EPHB1: variants seen among roughly 807,000 people sequenced by gnomAD.
EPHB1 encodes EPH receptor B1.
Under a neutral mutation model 94.4 loss-of-function variants are expected in EPHB1, and 30 were observed. That is an observed-to-expected ratio of 0.32 (90% CI 0.24 to 0.43). EPHB1 has a LOEUF of 0.43. Ranked by LOEUF, EPHB1 falls within the 20% of genes least tolerant of loss-of-function variation. The probability of loss-of-function intolerance (pLI) is 1.00; values close to 1 mark genes in which losing one functional copy is unlikely to be tolerated. For synonymous variants in EPHB1, 522 were observed against 489.1 expected (o/e 1.07, Z -0.89); for missense variants, 1,055 against 1,308.3 (o/e 0.81, Z 2.99).
chr3:135,210,608 C>T (rs1451665703), intron 12 of EPHB1, among the ~76,000 whole-genome samples: 4 of 152,168 alleles, frequency 2.6e-5, no homozygotes, highest in African/African-American at 9.7e-5. Flanking sequence ...TAAGAATTTG[C>T]CATAAACCCA....
intron 15 of EPHB1, among the ~76,000 whole-genome samples, chr3:135,256,553 C>G (rs1177120011): frequency 6.6e-6 from 1 of 152,218 alleles, no homozygotes; most frequent in Non-Finnish European, 1.5e-5. Context: ...GGCCCCCACT[C>G]TCTTCTGACT....
chr3:135,000,602 T>C (rs1467812608), intron 3 of EPHB1, among the ~76,000 whole-genome samples: 1 of 152,220 alleles, frequency 6.6e-6, no homozygotes, highest in Non-Finnish European at 1.5e-5. Context: ...CAATTCCTAG[T>C]ACTACTCTCC....
rs960396588 is a variant in EPHB1, at chr3:135,259,837, C to T, written c.*717C>T. 13 of 223,610 alleles carry T rather than the reference C, an allele frequency of 5.8e-5. No individual in the cohort carries two copies. Among genetic ancestry groups the T allele is most frequent in the African/African-American group, 2.7e-4 (12 of 44,908 alleles). The allele number at this position is 223,610 out of a possible 1,614,324, so 13.9% of individuals were successfully genotyped here. On this transcript the variant is annotated 3_prime_UTR_variant, in exon 16 of 16. Transcript: ENST00000398015. Reference sequence around the variant, plus strand: ...AAAAAAAAAGAAGAAAAACCTGTTTCCGTGTGCAAAAGCACACATATGTAT... The same window carrying T: ...AAAAAAAAAGAAGAAAAACCTGTTTTCGTGTGCAAAAGCACACATATGTAT...
intron 2 of EPHB1, among the ~76,000 whole-genome samples, chr3:134,943,024 G>A (rs1466413474): frequency 2.6e-5 from 4 of 152,224 alleles, no homozygotes; most frequent in African/African-American, 9.7e-5. Flanking sequence ...CTAAGCCAGG[G>A]AAAGGATTAT....
At chr3:135,103,563 G>A (rs1268398932) in intron 3 of EPHB1, among the ~76,000 whole-genome samples, 4 of 152,198 alleles carry the variant, frequency 2.6e-5, no homozygotes, top group South Asian at 2.1e-4. Flanking sequence ...CTAATAATCT[G>A]TGGGAGTTAT....
chr3:135,053,436 C>A (rs1937253712), intron 3 of EPHB1, among the ~76,000 whole-genome samples: 1 of 151,954 alleles, frequency 6.6e-6, no homozygotes. Flanking sequence ...CTTTTGGGAA[C>A]TGGTTTAAGG....
At chr3:134,933,595 G>C (rs2049821195) in intron 2 of EPHB1, among the ~76,000 whole-genome samples, 1 of 152,122 alleles carries the variant, frequency 6.6e-6, no homozygotes, top group South Asian at 2.1e-4. Context: ...GTGCCTTATA[G>C]CCAGGCACAC....
chr3:135,062,980 A>G (rs550460004), intron 3 of EPHB1, among the ~76,000 whole-genome samples: 3 of 152,224 alleles, frequency 2.0e-5, no homozygotes, highest in Non-Finnish European at 4.4e-5. Flanking sequence ...TGCTTTGTTG[A>G]AGATCAGTTG....
intron 1 of EPHB1, among the ~76,000 whole-genome samples, chr3:134,877,739 A>G (rs952605399): frequency 5.9e-5 from 9 of 152,218 alleles, no homozygotes; most frequent in Admixed American, 4.6e-4. Context: ...TTTCTGCTAT[A>G]GAAAGCTGGG....
At chr3:134,911,618 T>A (rs2038456828) in intron 1 of EPHB1, among the ~76,000 whole-genome samples, 1 of 151,988 alleles carries the variant, frequency 6.6e-6, no homozygotes, top group Non-Finnish European at 1.5e-5. Flanking sequence ...ATGAAGACTG[T>A]ATGTGAGGGG....
At chr3:134,906,649 T>C (rs2038337161) in intron 1 of EPHB1, among the ~76,000 whole-genome samples, 2 of 152,218 alleles carry the variant, frequency 1.3e-5, no homozygotes, top group African/African-American at 4.8e-5. Context: ...AATTGAGTAG[T>C]TGCAACAGAG....
chr3:135,112,073 A>G (rs79846483), intron 4 of EPHB1, among the ~76,000 whole-genome samples: 2,130 of 152,354 alleles, frequency 0.014, 58 homozygotes, highest in African/African-American at 0.049. Flanking sequence ...AAGCGAATGG[A>G]AACCAGGAAG....
intron 3 of EPHB1, among the ~76,000 whole-genome samples, chr3:135,036,002 ATC>A (rs1936633082): frequency 6.6e-6 from 1 of 152,162 alleles, no homozygotes; most frequent in South Asian, 2.1e-4. Context: ...TCATTTATCT[ATC>A]TCTCCATTCA....
intron 4 of EPHB1, among the ~76,000 whole-genome samples, chr3:135,127,157 C>T: frequency 6.6e-6 from 1 of 152,216 alleles, no homozygotes; most frequent in Non-Finnish European, 1.5e-5. Flanking sequence ...TATGTTTTAA[C>T]TTGGTTACTG....
intron 1 of EPHB1, among the ~76,000 whole-genome samples, chr3:134,797,257 G>C (rs565797274): frequency 2.6e-5 from 4 of 152,220 alleles, no homozygotes; most frequent in Non-Finnish European, 5.9e-5. Flanking sequence ...CTGGAGCCGT[G>C]TGGAGTGCCG....
In EPHB1 at chr3:135,259,209, G is replaced by T; in HGVS notation, c.*89G>T. On this transcript the variant is annotated 3_prime_UTR_variant, in exon 16 of 16. Coordinates refer to ENST00000398015, the MANE Select transcript of EPHB1 (RefSeq NM_004441.5). The stretch of plus-strand genomic sequence containing the variant: ...TGACCACTGTGGAATGTACTGGAGA[G>T]ACTGGCTTCTCAGCTGAGGAATGCA... 1.0e-6 allele frequency: 1 copy of T among 1,000,600 alleles called. No homozygotes were observed. Among genetic ancestry groups the T allele is most frequent in the Non-Finnish European group, 1.5e-6 (1 of 672,158 alleles). The allele number at this position is 1,000,600 out of a possible 1,614,324, so 62.0% of individuals were successfully genotyped here.
intron 4 of EPHB1, among the ~76,000 whole-genome samples, chr3:135,128,910 C>T (rs1441433811): frequency 2.0e-5 from 3 of 152,116 alleles, no homozygotes; most frequent in Non-Finnish European, 2.9e-5. Flanking sequence ...AAGACACACC[C>T]CTGCCCTCAA....
At chr3:135,098,431 C>A (rs1270133808) in intron 3 of EPHB1, among the ~76,000 whole-genome samples, 1 of 152,070 alleles carries the variant, frequency 6.6e-6, no homozygotes, top group East Asian at 1.9e-4. Context: ...TTCCAAGTCA[C>A]AATTTTAACT....
At chr3:135,003,573 A>G (rs1191211693) in intron 3 of EPHB1, among the ~76,000 whole-genome samples, 7 of 151,846 alleles carry the variant, frequency 4.6e-5, no homozygotes, top group African/African-American at 1.7e-4. Flanking sequence ...AAAGTCTCCC[A>G]TTATTAATGT....
Sources: allele counts gnomAD v4.1 joint callset (sites outside exome capture counted in the v4.1 genomes callset), GRCh38; gene constraint gnomAD v4.1.1; transcripts MANE v1.5; gene names NCBI Gene and HGNC (gene_info 2026-07-23, HGNC 2026-07-21).